PTPRN2: variants seen among roughly 807,000 people sequenced by gnomAD.
The protein encoded by PTPRN2 is receptor-type tyrosine-protein phosphatase N2.
Under a neutral mutation model 118.8 loss-of-function variants are expected in PTPRN2, and 74 were observed. That is an observed-to-expected ratio of 0.62 (90% confidence interval 0.52 to 0.76). The LOEUF (loss-of-function observed/expected upper bound fraction) is 0.76, where lower values mean the gene tolerates loss of function less well. PTPRN2 is among the 30% of genes least tolerant of loss of function. PTPRN2 has a pLI of 0.00. For missense variants in PTPRN2, 1,481 were observed against 1,394.4 expected, an observed-to-expected ratio of 1.06 and a Z score of -0.99; for synonymous variants, 641 against 608.0, an observed-to-expected ratio of 1.05 and a Z score of -0.80.
chr7:158,163,968 C>T (rs2150578915), intron 6 of PTPRN2, among the ~76,000 whole-genome samples: 1 of 152,346 alleles, frequency 6.6e-6, no homozygotes, highest in Middle Eastern at 3.4e-3. Flanking sequence ...TGCCGTTTTA[C>T]ATGAGGCTTT....
intron 2 of PTPRN2, among the ~76,000 whole-genome samples, chr7:158,365,731 C>G (rs1444221863): frequency 6.7e-6 from 1 of 149,532 alleles, no homozygotes; most frequent in Non-Finnish European, 1.5e-5. Flanking sequence ...CACACACACA[C>G]AGCATCCCTG....
rs1563514397 is a variant in PTPRN2 at position 158,149,060 on chromosome 7, TGCC to T, written c.911-10548_911-10546del. 5.3e-3 allele frequency among the ~76,000 whole-genome samples: 70 copies of T among 13,324 alleles called. 1 individual carries two copies. The highest frequency in any genetic ancestry group is 0.011 in the East Asian group (5 of 450). The allele number at this position is 13,324 out of a possible 152,430, so 8.7% of individuals were successfully genotyped here. Reference sequence around the variant, plus strand: ...TCCCTCTCACTGACACCCCATCTCATGCCACGTGTCATTCCCCCTCACTGACAC... The same window carrying T: ...TCCCTCTCACTGACACCCCATCTCATACGTGTCATTCCCCCTCACTGACAC... On this transcript the variant is annotated intron_variant, in intron 6 of 22. Transcript: ENST00000389418.
chr7:158,270,795 GGACCA>G (rs1798311078), intron 3 of PTPRN2, among the ~76,000 whole-genome samples: 5 of 71,476 alleles, frequency 7.0e-5, no homozygotes, highest in East Asian at 3.4e-4. Context: ...CCCTCCACCT[GGACCA>G]CCCCCTCACC....
chr7:158,252,027 G>T (rs1395846213), intron 3 of PTPRN2, among the ~76,000 whole-genome samples: 3 of 152,130 alleles, frequency 2.0e-5, no homozygotes, highest in Non-Finnish European at 2.9e-5. Flanking sequence ...CTTGGCTCTG[G>T]CCTCCTCATC....
At position 158,188,605 on chromosome 7, in the gene PTPRN2, CCCGCCACGCTCGCCCCCTGATGGGGAAGG is replaced by C. The variant is rs1563577759; in HGVS notation, c.549+3693_549+3721del. On this transcript the variant is annotated intron_variant, in intron 5 of 22. Coordinates refer to ENST00000389418, the MANE Select transcript of PTPRN2 (RefSeq NM_002847.5). ...CCACGCTCGCCCCCTGATGGGGAAG[CCCGCCACGCTCGCCCCCTGATGGGGAAGG>C]CCGCCACGCTCGCCCCCTGATGGGG... Among the ~76,000 whole-genome samples the C allele has an allele frequency of 2.1e-3, 63 of 29,602 alleles. 1 individual carries two copies. Among genetic ancestry groups the C allele is most frequent in the Non-Finnish European group, 2.6e-3 (43 of 16,398 alleles). 19.4% of individuals were successfully genotyped at this position (29,602 alleles called of 152,430 possible).
At chr7:158,137,047 C>T (rs1236462351) in intron 7 of PTPRN2, among the ~76,000 whole-genome samples, 3 of 152,174 alleles carry the variant, frequency 2.0e-5, no homozygotes, top group Non-Finnish European at 4.4e-5. Flanking sequence ...GAAGCCTTCG[C>T]CAAAACCACC....
chr7:157,634,071 C>CCGCGTCCTGCAGGCAA (rs1804141300), intron 14 of PTPRN2, among the ~76,000 whole-genome samples: 2 of 152,150 alleles, frequency 1.3e-5, no homozygotes, highest in South Asian at 4.1e-4. Context: ...GCAGGGTGCA[C>CCGCGTCCTGCAGGCAA]CGCGTCCTGC....
intron 13 of PTPRN2, among the ~76,000 whole-genome samples, chr7:157,679,680 G>A (rs1796826742): frequency 6.6e-6 from 1 of 152,132 alleles, no homozygotes; most frequent in Non-Finnish European, 1.5e-5. Context: ...GTGGTCCCAA[G>A]CCCAGGCTCT....
At chr7:157,841,336 CA>C (rs2151183968) in intron 12 of PTPRN2, among the ~76,000 whole-genome samples, 2 of 152,356 alleles carry the variant, frequency 1.3e-5, no homozygotes, top group African/African-American at 4.8e-5. Flanking sequence ...ATCTAAAGTG[CA>C]GAGCCCCACA....
At chr7:158,060,004 A>G (rs1184150868) in intron 11 of PTPRN2, among the ~76,000 whole-genome samples, 2 of 103,770 alleles carry the variant, frequency 1.9e-5, no homozygotes, top group Non-Finnish European at 3.6e-5. Context: ...CACTGCAGCC[A>G]CACTCCATCT....
At chr7:158,233,996 A>G (rs552315245) in intron 3 of PTPRN2, among the ~76,000 whole-genome samples, 1 of 152,338 alleles carries the variant, frequency 6.6e-6, no homozygotes, top group East Asian at 1.9e-4. Flanking sequence ...GCTTAAATAT[A>G]AGACCCGAAA....
intron 11 of PTPRN2, among the ~76,000 whole-genome samples, chr7:158,053,726 A>G (rs548300752): frequency 5.3e-5 from 8 of 152,050 alleles, no homozygotes; most frequent in African/African-American, 1.9e-4. Flanking sequence ...GACCCCAGAG[A>G]TGCAGAGACC....
In PTPRN2 at chr7:157,861,106, C is replaced by T. The variant is rs925954243; in HGVS notation, c.1788+37567G>A. Among the ~76,000 whole-genome samples, 3 of 152,184 alleles carry T rather than the reference C, an allele frequency of 2.0e-5. No individual in the cohort carries two copies. The highest frequency in any genetic ancestry group is 6.5e-5 in the Admixed American group (1 of 15,280). ...CGGCACAGCGGACACCATGTGGGAC[C>T]CCAGCACGGGCGCTTTGGGATGTCG... On this transcript the variant is annotated intron_variant, in intron 12 of 22. Coordinates refer to ENST00000389418, the MANE Select transcript of PTPRN2 (RefSeq NM_002847.5). This position sits in a 1 kb window ranked among gnomAD's most constrained non-coding sequence, Gnocchi z 5.8.
chr7:158,523,241 G>T (rs1310068859), intron 1 of PTPRN2, among the ~76,000 whole-genome samples: 2 of 152,190 alleles, frequency 1.3e-5, no homozygotes, highest in East Asian at 3.9e-4. Context: ...GGGGGTGGTG[G>T]GTGAGCCTCA....
chr7:157,950,829 G>A (rs888985640), intron 11 of PTPRN2, among the ~76,000 whole-genome samples: 1 of 152,228 alleles, frequency 6.6e-6, no homozygotes, highest in African/African-American at 2.4e-5. Context: ...ACTGAACCAG[G>A]AAAGTGAGGT....
intron 3 of PTPRN2, among the ~76,000 whole-genome samples, chr7:158,253,779 T>G (rs2150902516): frequency 6.6e-6 from 1 of 152,340 alleles, no homozygotes; most frequent in South Asian, 2.1e-4. Context: ...GAATAACTCT[T>G]TTTAAGAGCA....
chr7:157,913,185 ATGAG>A (rs1421013638), intron 11 of PTPRN2, among the ~76,000 whole-genome samples: 1 of 152,188 alleles, frequency 6.6e-6, no homozygotes, highest in Non-Finnish European at 1.5e-5. Flanking sequence ...GCTATTTTAA[ATGAG>A]TATCATTTTT....
In PTPRN2 at chr7:157,671,658, G is replaced by A. The variant is rs1382739079; in HGVS notation, c.2001+11067C>T. Among the ~76,000 whole-genome samples, 1 of 152,164 alleles carries A rather than the reference G, an allele frequency of 6.6e-6. No homozygotes were observed. On this transcript the variant is annotated intron_variant, in intron 13 of 22. Transcript: ENST00000389418. This position sits in a 1 kb window ranked among gnomAD's most constrained non-coding sequence, Gnocchi z 4.1. The stretch of plus-strand genomic sequence containing the variant: ...CTTAATTAAGCCAAAGGAAGGGCAG[G>A]GGCATGCGGGCTGGGGGCGGAGCGG...
chr7:158,549,966 C>T (rs957055325), intron 1 of PTPRN2, among the ~76,000 whole-genome samples: 1 of 152,236 alleles, frequency 6.6e-6, no homozygotes, highest in Admixed American at 6.5e-5. Context: ...TCCCCCTTGC[C>T]CTCGTCCTGG....
Sources: allele counts gnomAD v4.1 joint callset (sites outside exome capture counted in the v4.1 genomes callset), GRCh38; gene constraint gnomAD v4.1.1; non-coding constraint Gnocchi (gnomAD v3.1); transcripts MANE v1.5; gene names NCBI Gene and HGNC (gene_info 2026-07-23, HGNC 2026-07-21).